DNAH9: variants seen among roughly 807,000 people sequenced by gnomAD.
DNAH9 encodes the protein DNAH9 variant protein.
A neutral mutation model predicts 471.6 loss-of-function variants in DNAH9; 345 were observed. The ratio of observed to expected loss-of-function variants is 0.73; its 90% CI spans 0.67 to 0.80. The LOEUF is 0.80. Ranked by LOEUF, DNAH9 falls within the 30% of genes least tolerant of loss-of-function variation. DNAH9 has a pLI of 0.00. For synonymous variants in DNAH9, 2,093 were observed against 2,123.6 expected, an observed-to-expected ratio of 0.99 and a Z score of 0.40; for missense variants, 5,407 against 5,609.2, an observed-to-expected ratio of 0.96 and a Z score of 1.15.
At chr17:11,814,733 A>G (rs575722827) in intron 45 of DNAH9, among the ~76,000 whole-genome samples, 13 of 152,282 alleles carry the variant, frequency 8.5e-5, no homozygotes, top group Admixed American at 7.2e-4. Context: ...TCCTCTTAGG[A>G]TCTAGAACAT....
chr17:11,906,562 G>C, intron 61 of DNAH9, among the ~76,000 whole-genome samples: 1 of 151,546 alleles, frequency 6.6e-6, no homozygotes, highest in East Asian at 1.9e-4. Flanking sequence ...GGGAGGCAGA[G>C]GTTGCAGTGA....
At chr17:11,713,411 T>C (rs939929597) in intron 26 of DNAH9, among the ~76,000 whole-genome samples, 1 of 152,200 alleles carries the variant, frequency 6.6e-6, no homozygotes, top group Non-Finnish European at 1.5e-5. Flanking sequence ...CCTCTGGGTA[T>C]ATACCCAGTA....
intron 14 of DNAH9, among the ~76,000 whole-genome samples, chr17:11,664,622 T>C (rs945336182): frequency 2.6e-5 from 4 of 152,194 alleles, no homozygotes; most frequent in African/African-American, 4.8e-5. Flanking sequence ...AGGGACAGGT[T>C]GTCCCCTATA....
chr17:11,695,808 C>A (rs2074466140), intron 22 of DNAH9, among the ~76,000 whole-genome samples: 1 of 152,190 alleles, frequency 6.6e-6, no homozygotes, highest in African/African-American at 2.4e-5. Flanking sequence ...CTAGGGACTA[C>A]ACTATGAGAA....
At chr17:11,715,970 A>G (rs142041435) in intron 26 of DNAH9, among the ~76,000 whole-genome samples, 81 of 152,216 alleles carry the variant, frequency 5.3e-4, no homozygotes, top group African/African-American at 1.8e-3. Flanking sequence ...CCTCAGAGAG[A>G]ATCCTAGAGC....
intron 36 of DNAH9, 37 bp from the exon 37 acceptor site, chr17:11,768,408 TGAGTTCTG>T: frequency 6.3e-7 from 1 of 1,591,912 alleles, no homozygotes; most frequent in Non-Finnish European, 8.6e-7. Context: ...GTGGGCTTCT[TGAGTTCTG>T]GAGGACCTTG....
At chr17:11,934,434 C>CTTTT (rs1567560864) in intron 65 of DNAH9, among the ~76,000 whole-genome samples, 1 of 103,086 alleles carries the variant, frequency 9.7e-6, no homozygotes, top group Non-Finnish European at 2.2e-5. Flanking sequence ...TTGACAAACC[C>CTTTT]ATTTTTTTTT....
intron 23 of DNAH9, 102 bp downstream of exon 23, chr17:11,699,985 C>A: frequency 8.6e-7 from 1 of 1,163,660 alleles, no homozygotes; most frequent in Non-Finnish European, 1.2e-6. Context: ...TGACCTTGGT[C>A]CAGAGCTGCT....
chr17:11,881,124 A>G, intron 54 of DNAH9, 85 bp from the exon 55 acceptor site: 2 of 1,266,604 alleles, frequency 1.6e-6, no homozygotes. Flanking sequence ...ATATAGCAAT[A>G]TTGTTTGAAA....
At chr17:11,647,227 G>A (rs917341114) in intron 12 of DNAH9, 29 bp downstream of exon 12, 5 of 1,608,242 alleles carry the variant, frequency 3.1e-6, no homozygotes, top group Middle Eastern at 3.3e-4. Flanking sequence ...GCTCTCTTTT[G>A]GGTTCCTGAA....
chr17:11,918,246 TTTTGA>T (rs1974021822), intron 61 of DNAH9, among the ~76,000 whole-genome samples: 1 of 98,714 alleles, frequency 1.0e-5, no homozygotes, highest in Non-Finnish European at 2.1e-5. Flanking sequence ...TTTTGTTTTG[TTTTGA>T]GACAGGCTCT....
At chr17:11,794,769 T>C (rs1168906185) in intron 42 of DNAH9, among the ~76,000 whole-genome samples, 1 of 152,202 alleles carries the variant, frequency 6.6e-6, no homozygotes. Context: ...GTAGTTTTGC[T>C]ACAAGATACT....
intron 41 of DNAH9, among the ~76,000 whole-genome samples, chr17:11,786,478 T>C (rs749200735): frequency 6.6e-6 from 1 of 151,926 alleles, no homozygotes; most frequent in Non-Finnish European, 1.5e-5. Context: ...TAGACTTTAG[T>C]CTGTAATAAT....
chr17:11,744,904 C>A lies in DNAH9; in HGVS notation c.6219C>A (p.Ser2073=). The A allele has an allele frequency of 6.2e-7, 1 of 1,614,208 alleles. No homozygotes were observed. The highest frequency in any genetic ancestry group is 8.5e-7 in the Non-Finnish European group (1 of 1,180,042). Residue 2073 remains serine (S), a synonymous_variant, in exon 31 of 69, where the codon TCC becomes TCA. Coordinates refer to ENST00000262442, the MANE Select transcript of DNAH9 (RefSeq NM_001372.4). The part of the protein sequence containing the change: ...DRPEDQVLMR[S]LRDFNIPKIV... The stretch of plus-strand genomic sequence containing the variant: ...CTGAGGACCAGGTCCTGATGCGCTC[C>A]TTGCGGGATTTCAACATCCCCAAGA...
chr17:11,619,440 T>C (rs993317177), intron 5 of DNAH9, 108 bp from the exon 6 acceptor site: 5 of 730,666 alleles, frequency 6.8e-6, no homozygotes, highest in Admixed American at 2.1e-5. Context: ...TTTCCTCTAT[T>C]ATCCTCGTGA....
At chr17:11,967,367 A>C (rs1220500728) in intron 68 of DNAH9, among the ~76,000 whole-genome samples, 3 of 152,112 alleles carry the variant, frequency 2.0e-5, no homozygotes, top group Non-Finnish European at 4.4e-5. Flanking sequence ...TTGGCCTCCC[A>C]GGGTGCTGAG....
At chr17:11,713,097 TTTGTG>T (rs1422769487) in intron 26 of DNAH9, among the ~76,000 whole-genome samples, 2 of 152,032 alleles carry the variant, frequency 1.3e-5, no homozygotes, top group Non-Finnish European at 2.9e-5. Flanking sequence ...TGTTTCCTTC[TTTGTG>T]TTAATAAATT....
intron 50 of DNAH9, among the ~76,000 whole-genome samples, chr17:11,863,574 T>C (rs1278636882): frequency 6.6e-6 from 1 of 151,996 alleles, no homozygotes; most frequent in African/African-American, 2.4e-5. Context: ...TTCTATTGAT[T>C]GGAATAGTTT....
chr17:11,616,413 G>C (rs1164537548), intron 4 of DNAH9, among the ~76,000 whole-genome samples: 2 of 152,148 alleles, frequency 1.3e-5, no homozygotes, highest in South Asian at 4.1e-4. Flanking sequence ...CTGATTATCT[G>C]CCCAGGACAG....
Sources: gnomAD v4.1 joint callset for allele counts (sites outside exome capture counted in the v4.1 genomes callset) on GRCh38, gnomAD v4.1.1 for gene constraint, MANE v1.5 for transcripts, NCBI Gene and HGNC (gene_info 2026-07-23, HGNC 2026-07-21) for gene names.